GRM1: variants seen among roughly 807,000 people sequenced by gnomAD.
GRM1 encodes glutamate metabotropic receptor 1.
In GRM1, 33 loss-of-function variants were observed where a neutral mutation model predicts 90.9. The observed-to-expected ratio is 0.36, with a 90% CI of 0.28 to 0.49. The LOEUF (loss-of-function observed/expected upper bound fraction) is 0.49, where lower values mean the gene tolerates loss of function less well. Ranked by LOEUF, GRM1 falls within the 20% of genes least tolerant of loss-of-function variation. The pLI, the probability that GRM1 is intolerant of heterozygous loss-of-function variation, is 0.99. For synonymous variants in GRM1, 700 were observed against 613.2 expected (o/e 1.14, Z -2.09); for missense variants, 1,190 against 1,534.3 (o/e 0.78, Z 3.75).
chr6:146,361,425 G>C (rs111749660), intron 5 of GRM1, among the ~76,000 whole-genome samples: 31 of 152,310 alleles, frequency 2.0e-4, no homozygotes, highest in African/African-American at 4.6e-4. Context: ...CAGGGGCCTT[G>C]TGTGTGTGCT....
At chr6:146,102,288 A>G (rs759880874) in intron 1 of GRM1, among the ~76,000 whole-genome samples, 3 of 152,124 alleles carry the variant, frequency 2.0e-5, no homozygotes, top group Admixed American at 6.5e-5. Context: ...TTAACATACC[A>G]ACTTCATTAT....
chr6:146,267,599 G>A (rs932019219), intron 2 of GRM1, among the ~76,000 whole-genome samples: 1 of 150,174 alleles, frequency 6.7e-6, no homozygotes, highest in African/African-American at 2.4e-5. Flanking sequence ...TATCCAGCAT[G>A]GGAGAAAGAT....
chr6:146,372,584 A>T (rs1460732724), intron 5 of GRM1, among the ~76,000 whole-genome samples: 1 of 151,938 alleles, frequency 6.6e-6, no homozygotes, highest in Non-Finnish European at 1.5e-5. Flanking sequence ...TTGCATTTTC[A>T]TAGTTTAGGT....
chr6:146,293,470 T>C (rs543821918), intron 2 of GRM1, among the ~76,000 whole-genome samples: 1 of 152,122 alleles, frequency 6.6e-6, no homozygotes, highest in South Asian at 2.1e-4. Context: ...TAATTAAATA[T>C]GATTGTAATA....
chr6:146,037,851 G>A (rs1790947677), intron 1 of GRM1, among the ~76,000 whole-genome samples: 1 of 151,900 alleles, frequency 6.6e-6, no homozygotes, highest in South Asian at 2.1e-4. Context: ...AAAAATAGAA[G>A]CCTCTCCTTT....
Position 146,434,871 on chromosome 6 carries a change from G to A in GRM1, c.*75G>A, listed in dbSNP as rs541849317. 1,017 of 1,346,570 alleles carry A rather than the reference G, an allele frequency of 7.6e-4. 2 individuals carry two copies. Among genetic ancestry groups the A allele is most frequent in the Admixed American group, 2.7e-3 (156 of 57,898 alleles). 83.4% of individuals were successfully genotyped at this position (1,346,570 alleles called of 1,614,324 possible). On this transcript the variant is annotated 3_prime_UTR_variant, in exon 8 of 8. Transcript: ENST00000282753. Reference sequence around the variant, plus strand: ...CCTCCAGAGATGTGCAAACAGCTGGGAGGAAAAGCCTGGGAGTGGGGGGCC... The same window carrying A: ...CCTCCAGAGATGTGCAAACAGCTGGAAGGAAAAGCCTGGGAGTGGGGGGCC...
At chr6:146,065,141 G>C (rs1003403754) in intron 1 of GRM1, among the ~76,000 whole-genome samples, 1 of 152,072 alleles carries the variant, frequency 6.6e-6, no homozygotes, top group African/African-American at 2.4e-5. Context: ...TACTTTAAAT[G>C]CAGGAGAAAG....
At chr6:146,299,968 TGTC>T (rs1444523122) in intron 2 of GRM1, among the ~76,000 whole-genome samples, 1 of 152,214 alleles carries the variant, frequency 6.6e-6, no homozygotes, top group African/African-American at 2.4e-5. Flanking sequence ...ATTTGATAAA[TGTC>T]AAATGAATAT....
At chr6:146,396,582 G>C (rs1039594914) in intron 6 of GRM1, among the ~76,000 whole-genome samples, 2 of 151,988 alleles carry the variant, frequency 1.3e-5, no homozygotes, top group South Asian at 2.1e-4. Context: ...AACAGAAAAA[G>C]GTGATTCAAA....
intron 1 of GRM1, among the ~76,000 whole-genome samples, chr6:146,110,896 A>T (rs1484043987): frequency 6.6e-6 from 1 of 152,192 alleles, no homozygotes; most frequent in African/African-American, 2.4e-5. Flanking sequence ...ATGACATTGA[A>T]TTGTGTTCCT....
chr6:146,261,795 A>C (rs1314869325), intron 2 of GRM1, among the ~76,000 whole-genome samples: 2 of 152,154 alleles, frequency 1.3e-5, no homozygotes, highest in Non-Finnish European at 2.9e-5. Context: ...GGTCTCCTAA[A>C]ATGCAGAGAA....
chr6:146,417,912 G>A (rs1049205448), intron 7 of GRM1, among the ~76,000 whole-genome samples: 3 of 152,072 alleles, frequency 2.0e-5, no homozygotes, highest in African/African-American at 7.2e-5. Context: ...AAGTCTCTCT[G>A]GAAGCACAGC....
intron 2 of GRM1, among the ~76,000 whole-genome samples, chr6:146,160,425 T>C (rs1777680912): frequency 6.6e-6 from 1 of 152,218 alleles, no homozygotes; most frequent in African/African-American, 2.4e-5. Context: ...ATATCTTGTT[T>C]AATTTGCCAG....
chr6:146,097,271 T>A (rs1474927096), intron 1 of GRM1, among the ~76,000 whole-genome samples: 1 of 152,168 alleles, frequency 6.6e-6, no homozygotes, highest in African/African-American at 2.4e-5. Flanking sequence ...ATCTGCATTT[T>A]AAAATATTGC....
At chr6:146,357,381 TAAG>T (rs752419824) in intron 4 of GRM1, 142 bp from the exon 5 acceptor site, 1 of 690,398 alleles carries the variant, frequency 1.4e-6, no homozygotes, top group Non-Finnish European at 2.6e-6. Flanking sequence ...AGAGGAAACA[TAAG>T]AAATAAGCTA....
intron 3 of GRM1, among the ~76,000 whole-genome samples, chr6:146,325,160 T>C (rs1310982135): frequency 6.6e-6 from 1 of 152,188 alleles, no homozygotes; most frequent in Non-Finnish European, 1.5e-5. Flanking sequence ...CTGAGTTTCA[T>C]GTTTCCACTA....
intron 1 of GRM1, among the ~76,000 whole-genome samples, chr6:146,085,587 A>G (rs1011718334): frequency 1.3e-5 from 2 of 152,104 alleles, no homozygotes; most frequent in African/African-American, 4.8e-5. Flanking sequence ...GTTTTATTTC[A>G]GTATCTTCTC....
At chr6:146,162,141 T>G (rs1190388389) in intron 2 of GRM1, among the ~76,000 whole-genome samples, 1 of 152,210 alleles carries the variant, frequency 6.6e-6, no homozygotes, top group African/African-American at 2.4e-5. Context: ...GGATTTTATC[T>G]ACCAAATGTT....
chr6:146,155,324 C>T (rs575842407), intron 1 of GRM1, among the ~76,000 whole-genome samples: 1 of 152,278 alleles, frequency 6.6e-6, no homozygotes, highest in Admixed American at 6.5e-5. Flanking sequence ...CACTGTCTTA[C>T]AGTTGCCTAC....
Sources: gnomAD v4.1 joint callset for allele counts (sites outside exome capture counted in the v4.1 genomes callset) on GRCh38, gnomAD v4.1.1 for gene constraint, MANE v1.5 for transcripts, NCBI Gene and HGNC (gene_info 2026-07-23, HGNC 2026-07-21) for gene names.